The following SOS1 variants were observed in gnomAD, a reference collection of about 807,000 sequenced individuals.
SOS1 encodes the protein son of sevenless homolog 1.
In SOS1, 25 loss-of-function variants were observed where a neutral mutation model predicts 157.6. That is an observed-to-expected ratio of 0.16 (90% CI 0.12 to 0.22). The LOEUF is 0.22. Among genes scored for constraint, SOS1 ranks in the 10% least tolerant of loss-of-function variants. The pLI is 1.00. For synonymous variants in SOS1, 528 were observed against 534.0 expected (o/e 0.99, Z 0.16); for missense variants, 1,237 against 1,599.1 (o/e 0.77, Z 3.86).
chr2:39,123,638 G>T (rs758264241), upstream of SOS1, among the ~76,000 whole-genome samples: 2 of 149,096 alleles, frequency 1.3e-5, no homozygotes, highest in African/African-American at 5.0e-5. Context: ...GACTACAGGC[G>T]TGAGCCACCG....
chr2:39,110,045 T>TGTGC (rs1173418676), intron 1 of SOS1, among the ~76,000 whole-genome samples: 27 of 147,656 alleles, frequency 1.8e-4, no homozygotes, highest in Non-Finnish European at 3.7e-4. Context: ...TGTGCGTGTG[T>TGTGC]GTGTGTGTGT....
At position 38,995,317 on chromosome 2, in the gene SOS1, C is replaced by G. The variant is rs1338626165; in HGVS notation, c.3152G>C (p.Arg1051Thr). The change falls in exon 20 of 23, where the codon AGG (arginine) becomes ACG (threonine). Residue 1051 changes from arginine (R) to threonine (T), a missense_variant. By Grantham distance (71) the Arg-to-Thr change is moderately conservative (BLOSUM62 -1). Coordinates refer to ENST00000402219, the MANE Select transcript of SOS1 (RefSeq NM_005633.4). ...RPSNPRPGTMRHPTPLQQEPR... is the reference protein window; with the variant it reads ...RPSNPRPGTMTHPTPLQQEPR... ...CTCCTGCTGCAGAGGTGTGGGATGC[C>G]TCATGGTACCTGGTCTTGGGTTTGA... 1 of 1,613,676 alleles carries G rather than the reference C, an allele frequency of 6.2e-7. No individual in the cohort carries two copies. Among genetic ancestry groups the G allele is most frequent in the Non-Finnish European group, 8.5e-7 (1 of 1,179,680 alleles).
At chr2:39,010,762 T>C in intron 14 of SOS1, 59 bp from the exon 15 acceptor site, 1 of 1,369,444 alleles carries the variant, frequency 7.3e-7, no homozygotes, top group East Asian at 2.3e-5. Flanking sequence ...AGACATTGTT[T>C]TATTAAGTAA....
chr2:39,007,820 CACAA>C (rs1272181689), intron 15 of SOS1, among the ~76,000 whole-genome samples: 2 of 152,152 alleles, frequency 1.3e-5, no homozygotes, highest in African/African-American at 4.8e-5. Context: ...CACACATACA[CACAA>C]ACACACACAT....
intron 22 of SOS1, among the ~76,000 whole-genome samples, chr2:38,986,660 T>C (rs965969409): frequency 3.3e-5 from 5 of 151,868 alleles, no homozygotes; most frequent in African/African-American, 1.2e-4. Context: ...AGAGTCAAGG[T>C]CTTGCTCTGT....
intron 1 of SOS1, among the ~76,000 whole-genome samples, chr2:39,114,395 C>T (rs1673565209): frequency 6.6e-6 from 1 of 151,922 alleles, no homozygotes; most frequent in South Asian, 2.1e-4. Context: ...CCTCTGCCTC[C>T]TGGGTTCAAG....
rs56248239 is a variant in SOS1 at position 38,987,571 on chromosome 2, T to G, written c.3412A>C (p.Ile1138Leu). Residue 1138 changes from isoleucine to leucine, a missense_variant, in exon 22 of 23, where the codon ATA becomes CTA. Ile to Leu is a conservative substitution (Grantham distance 5, BLOSUM62 2). Coordinates refer to ENST00000402219, the MANE Select transcript of SOS1 (RefSeq NM_005633.4). ...TCATCAGTGCCTTTGGTTAAACTTA[T>G]AGATGATACAGAAGCAGATCCTGTG... ...HGPRSASVSS[I>L]SLTKGTDEVP... 2 of 1,573,502 alleles carry G rather than the reference T, an allele frequency of 1.3e-6. No individual in the cohort carries two copies. The highest frequency in any genetic ancestry group is 8.7e-7 in the Non-Finnish European group (1 of 1,145,068).
At chr2:39,117,972 A>G (rs539828458) in intron 1 of SOS1, among the ~76,000 whole-genome samples, 2 of 152,340 alleles carry the variant, frequency 1.3e-5, no homozygotes, top group East Asian at 3.9e-4. Flanking sequence ...TCACCTATTT[A>G]TTCAAATTGA....
At chr2:39,017,780 T>C (rs1354418937) in intron 10 of SOS1, among the ~76,000 whole-genome samples, 5 of 152,134 alleles carry the variant, frequency 3.3e-5, no homozygotes, top group African/African-American at 7.2e-5. Flanking sequence ...AAAGTACTTA[T>C]ATTTGAAATT....
chr2:39,090,184 G>A (rs1270655459), intron 1 of SOS1, among the ~76,000 whole-genome samples: 4 of 149,958 alleles, frequency 2.7e-5, no homozygotes, highest in African/African-American at 7.3e-5. Flanking sequence ...ACTAAATGCA[G>A]ACTACTAAAT....
intron 8 of SOS1, among the ~76,000 whole-genome samples, chr2:39,033,554 G>A (rs916432836): frequency 1.3e-5 from 2 of 151,996 alleles, no homozygotes; most frequent in Non-Finnish European, 2.9e-5. Context: ...TTGTATTTTT[G>A]AGACAGGGGC....
chr2:39,110,989 T>C (rs1008399197), intron 1 of SOS1, among the ~76,000 whole-genome samples: 2 of 152,156 alleles, frequency 1.3e-5, no homozygotes, highest in African/African-American at 2.4e-5. Flanking sequence ...TAATCCCACT[T>C]TGGGAGGGCG....
At chr2:39,044,948 T>A (rs890457348) in intron 6 of SOS1, among the ~76,000 whole-genome samples, 1 of 152,114 alleles carries the variant, frequency 6.6e-6, no homozygotes, top group Non-Finnish European at 1.5e-5. Flanking sequence ...AATCTAGGGA[T>A]GTTCAAGTCC....
intron 1 of SOS1, among the ~76,000 whole-genome samples, chr2:39,094,652 CAAATAAATAAAT>C (rs55772987): frequency 4.0e-5 from 6 of 150,970 alleles, no homozygotes; most frequent in South Asian, 2.1e-4. Flanking sequence ...GACTCGGTCT[CAAATAAATAAAT>C]AAATAAATAA....
Position 39,065,555 on chromosome 2 carries a change from A to G in SOS1, c.213+2073T>C, listed in dbSNP as rs1389104316. 2.6e-5 allele frequency among the ~76,000 whole-genome samples: 4 copies of G among 152,122 alleles called. No homozygotes were observed. In the East Asian group the frequency reaches 7.7e-4, roughly 29 times the overall value. ...TCTTTCTCTGATCTCAATCTGCTCTATTTCTCTCTTTCAGATGTCCTAATA... is the reference window on the plus strand; with the variant it reads ...TCTTTCTCTGATCTCAATCTGCTCTGTTTCTCTCTTTCAGATGTCCTAATA... On this transcript the variant is annotated intron_variant, in intron 2 of 22. Transcript: ENST00000402219.
intron 5 of SOS1, among the ~76,000 whole-genome samples, chr2:39,053,302 T>G (rs1158589874): frequency 6.6e-6 from 1 of 152,228 alleles, no homozygotes; most frequent in Admixed American, 6.5e-5. Context: ...CATTTTAGCC[T>G]TTCAAATGAG....
At chr2:39,000,156 A>G (rs1388904763) in intron 17 of SOS1, among the ~76,000 whole-genome samples, 2 of 152,188 alleles carry the variant, frequency 1.3e-5, no homozygotes, top group African/African-American at 2.4e-5. Flanking sequence ...ACTTGAATGA[A>G]GTTGTGAAAA....
At chr2:39,000,822 C>T (rs1393130708) in intron 17 of SOS1, among the ~76,000 whole-genome samples, 1 of 152,056 alleles carries the variant, frequency 6.6e-6, no homozygotes, top group African/African-American at 2.4e-5. Flanking sequence ...CAAAGGTTTT[C>T]GATTGAATGA....
At chr2:38,989,966 T>G (rs1272959027) in intron 20 of SOS1, among the ~76,000 whole-genome samples, 2 of 151,982 alleles carry the variant, frequency 1.3e-5, no homozygotes, top group Non-Finnish European at 2.9e-5. Flanking sequence ...AGGAAAAAAC[T>G]GAAAATCAAA....
Sources: gnomAD v4.1 joint callset for allele counts (sites outside exome capture counted in the v4.1 genomes callset) on GRCh38, gnomAD v4.1.1 for gene constraint, MANE v1.5 for transcripts, NCBI Gene and HGNC (gene_info 2026-07-23, HGNC 2026-07-21) for gene names.